REDIC1: variants seen among roughly 807,000 people sequenced by gnomAD.
REDIC1 encodes the protein regulator of DNA class I crossover intermediates 1.
chr12:39,695,275 G>A, the REDIC1 span, among the ~76,000 whole-genome samples: 7 of 152,276 alleles, frequency 4.6e-5, no homozygotes, highest in South Asian at 1.4e-3. Flanking sequence ...CAGTCATGGG[G>A]GTAGAATACC....
chr12:39,778,885 A>T, the REDIC1 span, among the ~76,000 whole-genome samples: 2 of 152,240 alleles, frequency 1.3e-5, no homozygotes, highest in Non-Finnish European at 2.9e-5. Context: ...GCTTCCAGGA[A>T]AACTCTGTTT....
At chr12:39,675,148 C>T in the REDIC1 span, among the ~76,000 whole-genome samples, 905 of 152,154 alleles carry the variant, frequency 5.9e-3, 10 homozygotes, top group African/African-American at 0.02. Flanking sequence ...AGCCTATCAC[C>T]GGAGGCTTTC....
At chr12:39,668,319 C>T in the REDIC1 span, among the ~76,000 whole-genome samples, 1 of 151,998 alleles carries the variant, frequency 6.6e-6, no homozygotes, top group South Asian at 2.1e-4. Context: ...TTCTCCTTCA[C>T]TTATGAAGCT....
chr12:39,647,852 A>C, the REDIC1 span: 1 of 1,608,000 alleles, frequency 6.2e-7, no homozygotes, highest in Admixed American at 1.7e-5. Flanking sequence ...AGAGAACTGC[A>C]GTTTCACTCC....
At chr12:39,711,139 C>T in the REDIC1 span, among the ~76,000 whole-genome samples, 1 of 151,314 alleles carries the variant, frequency 6.6e-6, no homozygotes, top group African/African-American at 2.4e-5. Context: ...TGAGAACATA[C>T]GGTTTGGTTT....
At chr12:39,906,307 C>A in the REDIC1 span, among the ~76,000 whole-genome samples, 1 of 152,108 alleles carries the variant, frequency 6.6e-6, no homozygotes, top group South Asian at 2.1e-4. Flanking sequence ...AATAACTAGA[C>A]AAGCTTGTAA....
At chr12:39,683,480 T>C in the REDIC1 span, 1 of 1,587,850 alleles carries the variant, frequency 6.3e-7, no homozygotes, top group Non-Finnish European at 8.6e-7. Context: ...TCCAGCAAAC[T>C]CTATGTAAGT....
At chr12:39,692,880 A>G in the REDIC1 span, among the ~76,000 whole-genome samples, 1 of 152,092 alleles carries the variant, frequency 6.6e-6, no homozygotes, top group Non-Finnish European at 1.5e-5. Flanking sequence ...ATTTTCCTAA[A>G]TGGTTATTCC....
At chr12:39,643,818 T>C in the REDIC1 span, 1 of 1,554,842 alleles carries the variant, frequency 6.4e-7, no homozygotes, top group Non-Finnish European at 8.8e-7. Flanking sequence ...AAAAATGAAA[T>C]CACTGGGAGT....
At chr12:39,646,974 A>ATTATTT in the REDIC1 span, 1 of 918,892 alleles carries the variant, frequency 1.1e-6, no homozygotes, top group Admixed American at 2.6e-5. Context: ...ACTGGAGAAA[A>ATTATTT]TTATTTTAAA....
the REDIC1 span, among the ~76,000 whole-genome samples, chr12:39,681,417 A>G: frequency 6.6e-6 from 1 of 152,218 alleles, no homozygotes; most frequent in East Asian, 1.9e-4. Flanking sequence ...AACCACCACT[A>G]AAGAACTTGT....
At chr12:39,645,288 G>A in the REDIC1 span, among the ~76,000 whole-genome samples, 1 of 151,898 alleles carries the variant, frequency 6.6e-6, no homozygotes, top group African/African-American at 2.4e-5. Context: ...CCCACTGTAA[G>A]TACTCTACTG....
the REDIC1 span, among the ~76,000 whole-genome samples, chr12:39,669,435 C>T: frequency 0.79 from 120,571 of 152,084 alleles, 48,524 homozygotes; most frequent in Non-Finnish European, 0.87. Flanking sequence ...GAGGAGTACC[C>T]GGCCCTGTGT....
At chr12:39,712,466 A>T in the REDIC1 span, among the ~76,000 whole-genome samples, 1 of 140,952 alleles carries the variant, frequency 7.1e-6, no homozygotes, top group African/African-American at 2.5e-5. Context: ...ATATATACGT[A>T]TGTATATATA....
chr12:39,783,807 A>C, the REDIC1 span, among the ~76,000 whole-genome samples: 1 of 152,158 alleles, frequency 6.6e-6, no homozygotes, highest in Admixed American at 6.6e-5. Context: ...AGATGACATG[A>C]CTGTATATTT....
At chr12:39,738,981 G>T in the REDIC1 span, among the ~76,000 whole-genome samples, 1 of 151,746 alleles carries the variant, frequency 6.6e-6, no homozygotes, top group Non-Finnish European at 1.5e-5. Flanking sequence ...AAAAAATCAA[G>T]TGGATATATT....
chr12:39,752,548 T>A, the REDIC1 span, among the ~76,000 whole-genome samples: 1 of 152,114 alleles, frequency 6.6e-6, no homozygotes, highest in South Asian at 2.1e-4. Flanking sequence ...AGTCTTCAAA[T>A]AATGATACCA....
the REDIC1 span, among the ~76,000 whole-genome samples, chr12:39,665,917 A>G: frequency 6.6e-6 from 1 of 152,142 alleles, no homozygotes; most frequent in Non-Finnish European, 1.5e-5. Flanking sequence ...TTGCACATTG[A>G]TTTTGTATCC....
chr12:39,682,778 A>G, the REDIC1 span: 2 of 1,613,396 alleles, frequency 1.2e-6, no homozygotes, highest in African/African-American at 1.3e-5. Context: ...GAAGATGTGA[A>G]CCAGTCTACT....
Sources: allele counts gnomAD v4.1 joint callset (sites outside exome capture counted in the v4.1 genomes callset), GRCh38; gene constraint gnomAD v4.1.1; transcripts MANE v1.5; gene names NCBI Gene and HGNC (gene_info 2026-07-23, HGNC 2026-07-21).